CUL1: variants seen among roughly 807,000 people sequenced by gnomAD.
CUL1 encodes the protein cullin 1, also known as cullin-1.
CUL1 carries 24 observed loss-of-function variants against 118.0 expected under a neutral mutation model. The ratio of observed to expected loss-of-function variants is 0.20; its 90% CI spans 0.15 to 0.29. CUL1 has a LOEUF of 0.29. Ranked by LOEUF, CUL1 falls within the 10% of genes least tolerant of loss-of-function variation. The probability of loss-of-function intolerance (pLI) is 1.00; values close to 1 mark genes in which losing one functional copy is unlikely to be tolerated. For synonymous variants in CUL1, 332 were observed against 340.4 expected (o/e 0.98, Z 0.27); for missense variants, 361 against 933.8 (o/e 0.39, Z 7.99).
In CUL1 at chr7:148,767,747, A is replaced by G; in HGVS notation, c.1081A>G (p.Asn361Asp). 1 of 1,612,146 alleles carries G rather than the reference A, an allele frequency of 6.2e-7. No individual in the cohort carries two copies. Among genetic ancestry groups the G allele is most frequent in the Non-Finnish European group, 8.5e-7 (1 of 1,179,446 alleles). Residue 361 changes from asparagine (N) to aspartate (D), a missense_variant and splice_region_variant, in exon 9 of 22, where the codon AAT (asparagine) becomes GAT (aspartate). By Grantham distance (23) the Asn-to-Asp change is conservative. Coordinates refer to ENST00000325222, the MANE Select transcript of CUL1 (RefSeq NM_003592.3). The part of the protein sequence containing the change: ...AIEKCGEAAL[N>D]DPKMYVQTVL... ...TGAAAAGTGTGGAGAAGCTGCTTTA[A>G]ATGTAAGTGAGATTTCATTGAAAAT...
chr7:148,711,012 C>A (rs956513935), intron 1 of CUL1, among the ~76,000 whole-genome samples: 4 of 152,056 alleles, frequency 2.6e-5, no homozygotes, highest in Non-Finnish European at 4.4e-5. Context: ...TGTTTTGAGA[C>A]AGAGTGGGAA....
chr7:148,799,247 A>C, intron 20 of CUL1, 28 bp from the exon 21 acceptor site: 2 of 1,552,630 alleles, frequency 1.3e-6, no homozygotes, highest in Non-Finnish European at 1.8e-6. Flanking sequence ...CTCTAAATGC[A>C]CTTCTTTTTC....
At chr7:148,761,208 T>C (rs1203995184) in intron 7 of CUL1, among the ~76,000 whole-genome samples, 2 of 152,274 alleles carry the variant, frequency 1.3e-5, no homozygotes, top group Middle Eastern at 3.4e-3. Context: ...TTCTCTTTCT[T>C]AGAAATATAG....
chr7:148,778,914 C>A (rs1426047206), intron 9 of CUL1, among the ~76,000 whole-genome samples: 1 of 152,144 alleles, frequency 6.6e-6, no homozygotes, highest in Non-Finnish European at 1.5e-5. Context: ...CCTGTAGCAC[C>A]CCATTATTCC....
intron 1 of CUL1, among the ~76,000 whole-genome samples, chr7:148,711,179 T>C (rs1004680979): frequency 7.2e-5 from 11 of 152,252 alleles, no homozygotes; most frequent in African/African-American, 2.7e-4. Context: ...TGTACACTTC[T>C]GTGCATATAT....
At chr7:148,753,784 A>G (rs1799569540) in intron 2 of CUL1, among the ~76,000 whole-genome samples, 192 bp from the exon 3 acceptor site, 1 of 152,068 alleles carries the variant, frequency 6.6e-6, no homozygotes, top group Non-Finnish European at 1.5e-5. Flanking sequence ...CCTACCAACA[A>G]CCTTGTGAAT....
intron 2 of CUL1, among the ~76,000 whole-genome samples, chr7:148,742,616 T>TTTTTTTTTTTTTTTTG: frequency 7.3e-6 from 1 of 137,654 alleles, no homozygotes; most frequent in Admixed American, 7.0e-5. Flanking sequence ...TTTTTTTTTT[T>TTTTTTTTTTTTTTTTG]GAGTTGGAGT....
chr7:148,705,818 G>C (rs1019465516), intron 1 of CUL1, among the ~76,000 whole-genome samples: 1 of 152,170 alleles, frequency 6.6e-6, no homozygotes, highest in Non-Finnish European at 1.5e-5. Flanking sequence ...TTTGGTGTGG[G>C]GGATGGTGGA....
chr7:148,772,127 A>C (rs1416268193), intron 9 of CUL1, among the ~76,000 whole-genome samples: 1 of 152,180 alleles, frequency 6.6e-6, no homozygotes, highest in Non-Finnish European at 1.5e-5. Context: ...ACTGTCACAC[A>C]TTCAGGTCCG....
At chr7:148,755,617 A>G (rs1441598229) in intron 3 of CUL1, among the ~76,000 whole-genome samples, 1 of 152,204 alleles carries the variant, frequency 6.6e-6, no homozygotes, top group African/African-American at 2.4e-5. Context: ...TAATTAATTA[A>G]TTATTCTTTA....
Position 148,787,426 on chromosome 7 carries a change from C to T in CUL1, c.1479+306C>T, listed in dbSNP as rs372828415. ...GCGGTGAGCCGAGATCACACCACTACACTCCAGCCTGGGCAACAGAGTGAG... is the reference window on the plus strand; with the variant it reads ...GCGGTGAGCCGAGATCACACCACTATACTCCAGCCTGGGCAACAGAGTGAG... On this transcript the variant is annotated intron_variant, in intron 13 of 21. Coordinates refer to ENST00000325222, the MANE Select transcript of CUL1 (RefSeq NM_003592.3). The surrounding 1 kb of genome is among the most constrained non-coding windows in gnomAD (Gnocchi z 5.5). Among the ~76,000 whole-genome samples, 23 of 152,286 alleles carry T rather than the reference C, an allele frequency of 1.5e-4. No individual in the cohort carries two copies. Among genetic ancestry groups the T allele is most frequent in the African/African-American group, 5.5e-4 (23 of 41,570 alleles).
chr7:148,699,067 C>T (rs1213509240), intron 1 of CUL1, 38 bp downstream of exon 1: 13 of 154,054 alleles, frequency 8.4e-5, no homozygotes, highest in South Asian at 3.6e-4. Flanking sequence ...GAGGAGGTGG[C>T]GGCGGCGGCG....
intron 9 of CUL1, among the ~76,000 whole-genome samples, chr7:148,781,179 C>G (rs1800619225): frequency 6.7e-6 from 1 of 149,044 alleles, no homozygotes; most frequent in Admixed American, 6.8e-5. Context: ...TCTCCCGGTT[C>G]AAGCGATTCT....
At chr7:148,779,623 G>A (rs190537543) in intron 9 of CUL1, among the ~76,000 whole-genome samples, 1 of 152,338 alleles carries the variant, frequency 6.6e-6, no homozygotes, top group Non-Finnish European at 1.5e-5. Context: ...TTAATCCTGA[G>A]GGTGCAAGAG....
At chr7:148,718,679 C>T (rs1798295810) in intron 1 of CUL1, among the ~76,000 whole-genome samples, 1 of 151,928 alleles carries the variant, frequency 6.6e-6, no homozygotes, top group African/African-American at 2.4e-5. Flanking sequence ...TTATAAAGTG[C>T]TGTGAACATT....
chr7:148,780,942 C>T (rs1310859400), intron 9 of CUL1, among the ~76,000 whole-genome samples: 1 of 152,040 alleles, frequency 6.6e-6, no homozygotes, highest in Non-Finnish European at 1.5e-5. Context: ...CCCTTTTGAA[C>T]ATCTTTTCTC....
intron 1 of CUL1, among the ~76,000 whole-genome samples, chr7:148,719,780 T>A (rs1187699352): frequency 6.6e-6 from 1 of 152,216 alleles, no homozygotes; most frequent in Non-Finnish European, 1.5e-5. Flanking sequence ...TTGGCAGCAG[T>A]TTGGACGTGT....
chr7:148,716,456 G>A (rs1798217653), intron 1 of CUL1, among the ~76,000 whole-genome samples: 1 of 152,170 alleles, frequency 6.6e-6, no homozygotes, highest in African/African-American at 2.4e-5. Context: ...TCCATCAGAG[G>A]TTAGTGAAAA....
intron 1 of CUL1, among the ~76,000 whole-genome samples, chr7:148,713,385 C>T (rs943612749): frequency 2.6e-5 from 4 of 152,116 alleles, no homozygotes; most frequent in Non-Finnish European, 4.4e-5. Flanking sequence ...TCAGGTTTTC[C>T]GGAGCAATTT....
Sources: gnomAD v4.1 joint callset for allele counts (sites outside exome capture counted in the v4.1 genomes callset) on GRCh38, gnomAD v4.1.1 for gene constraint, Gnocchi (gnomAD v3.1) non-coding constraint, MANE v1.5 for transcripts, NCBI Gene and HGNC (gene_info 2026-07-23, HGNC 2026-07-21) for gene names.